ARHGEF16: variants seen among roughly 807,000 people sequenced by gnomAD.
ARHGEF16 encodes the protein Rho guanine exchange factor (GEF) 16.
Under a neutral mutation model 74.1 loss-of-function variants are expected in ARHGEF16, and 59 were observed. The observed-to-expected ratio is 0.80, with a 90% confidence interval of 0.65 to 0.99. The LOEUF (loss-of-function observed/expected upper bound fraction) is 0.99, where lower values mean the gene tolerates loss of function less well. Among genes scored for constraint, ARHGEF16 ranks in the 50% least tolerant of loss-of-function variants. ARHGEF16 has a pLI of 0.00. For synonymous variants in ARHGEF16, 415 were observed against 412.6 expected (o/e 1.01, Z -0.07); for missense variants, 948 against 986.6 (o/e 0.96, Z 0.52).
rs150491102 is a variant in ARHGEF16 at position 3,478,612 on chromosome 1, C to A, written c.1814C>A (p.Ala605Glu). The A allele has an allele frequency of 1.8e-5, 29 of 1,602,410 alleles. No homozygotes were observed. In the Admixed American group the frequency reaches 2.2e-4, roughly 12 times the overall value. The change falls in exon 12 of 15, where the codon GCG becomes GAG. Residue 605 changes from alanine (A) to glutamate (E), a missense_variant and splice_region_variant. Transcript: ENST00000378378. ...QEQLLLSSDSASDRARWIVAL... is the reference protein window; with the variant it reads ...QEQLLLSSDSESDRARWIVAL... Reference sequence around the variant, plus strand: ...CAGCTCCTGCTCTCCTCGGACTCCGCGTAAGTGGGCTCCCGGGAGGGCTGT... The same window carrying A: ...CAGCTCCTGCTCTCCTCGGACTCCGAGTAAGTGGGCTCCCGGGAGGGCTGT...
chr1:3,460,818 CG>C, intron 1 of ARHGEF16, among the ~76,000 whole-genome samples: 3 of 152,234 alleles, frequency 2.0e-5, no homozygotes, highest in Middle Eastern at 6.8e-3. Flanking sequence ...TGTACCCTCC[CG>C]GCCAGCGTGG....
At position 3,471,674 on chromosome 1, in the gene ARHGEF16, T is replaced by A. The variant is rs762947929; in HGVS notation, c.1023-1404T>A. On this transcript the variant is annotated intron_variant, in intron 6 of 14. Transcript: ENST00000378378. ...GGCAGCTGCATGTTTGCCTCTGACC[T>A]CCTCAGGGCTTTAGATTGCTGCCCT... 6.5e-6 allele frequency: 8 copies of A among 1,237,944 alleles called. No individual in the cohort carries two copies. The South Asian group carries it at 1.1e-4, about 17-fold the overall frequency. The allele number at this position is 1,237,944 out of a possible 1,614,324, so 76.7% of individuals were successfully genotyped here.
At chr1:3,479,712 G>A (rs1308688218) in intron 13 of ARHGEF16, 100 bp from the exon 14 acceptor site, 2 of 1,492,450 alleles carry the variant, frequency 1.3e-6, no homozygotes, top group East Asian at 4.6e-5. Flanking sequence ...CGGGGGATGG[G>A]GTGCCCCGGC....
chr1:3,473,403 G>A lies in ARHGEF16; in HGVS notation c.1186G>A (p.Ala396Thr), dbSNP rs1233320630. 5.0e-6 allele frequency: 8 copies of A among 1,607,768 alleles called. No individual in the cohort carries two copies. The highest frequency in any genetic ancestry group is 2.2e-5 in the South Asian group (2 of 90,562). Residue 396 changes from alanine to threonine, a missense_variant, in exon 8 of 15, where the codon GCC becomes ACC. By Grantham distance (58) the Ala-to-Thr change is moderately conservative (BLOSUM62 0). Coordinates refer to ENST00000378378, the MANE Select transcript of ARHGEF16 (RefSeq NM_014448.4). ...RTLQKLISSN[A>T]AFREALREIE... ...CTTGTCCTCTTGCAGAAGCAGCAAC[G>A]CCGCCTTCCGAGAGGCCCTGAGAGA...
In ARHGEF16 at chr1:3,480,993, A is replaced by T. The variant is rs1299991254; in HGVS notation, c.*406A>T. The T allele has an allele frequency of 1.6e-5, 3 of 191,328 alleles. No homozygotes were observed. The highest frequency in any genetic ancestry group is 7.0e-5 in the African/African-American group (3 of 42,766). 11.9% of individuals were successfully genotyped at this position (191,328 alleles called of 1,614,324 possible). On this transcript the variant is annotated 3_prime_UTR_variant, in exon 15 of 15. Transcript: ENST00000378378. ...CCTTCCTACCCCTGAGTGGGACAAG[A>T]AGGGCCCTGAGTGCCCAGGAGTGCC...
rs1396894800 is a variant in ARHGEF16 at position 3,480,661 on chromosome 1, G to A, written c.*74G>A. 35 of 1,542,256 alleles carry A rather than the reference G, an allele frequency of 2.3e-5. No individual in the cohort carries two copies. The highest frequency in any genetic ancestry group is 2.0e-4 in the Middle Eastern group (1 of 5,070). ...GTGGTCGTGCCTGGCTCTAGAGAGC[G>A]TGGGGAGCTGGTCTCAAGGACCCAG... On this transcript the variant is annotated 3_prime_UTR_variant, in exon 15 of 15. Transcript: ENST00000378378.
Position 3,478,628 on chromosome 1 carries a change from G to A in ARHGEF16, c.1814+16G>A. Reference sequence around the variant, plus strand: ...CGGACTCCGCGTAAGTGGGCTCCCGGGAGGGCTGTTCCCAGGCCACAGGCA... The same window carrying A: ...CGGACTCCGCGTAAGTGGGCTCCCGAGAGGGCTGTTCCCAGGCCACAGGCA... On this transcript the variant is annotated intron_variant, in intron 12 of 14. Coordinates refer to ENST00000378378, the MANE Select transcript of ARHGEF16 (RefSeq NM_014448.4). 1 of 1,593,242 alleles carries A rather than the reference G, an allele frequency of 6.3e-7. No homozygotes were observed. Among genetic ancestry groups the A allele is most frequent in the Non-Finnish European group, 8.6e-7 (1 of 1,167,942 alleles).
chr1:3,463,012 C>T (rs975309921), intron 1 of ARHGEF16, 54 bp from the exon 2 acceptor site: 30 of 1,305,984 alleles, frequency 2.3e-5, no homozygotes, highest in African/African-American at 6.0e-5. Context: ...GGTGGACACC[C>T]GCGGGGGCAG....
At chr1:3,478,328 C>A in intron 11 of ARHGEF16, 96 bp from the exon 12 acceptor site, 1 of 1,362,038 alleles carries the variant, frequency 7.3e-7, no homozygotes, top group Non-Finnish European at 1.0e-6. Flanking sequence ...GCCTCCCCAC[C>A]ACTGCAGGGG....
chr1:3,476,947 C>T lies in ARHGEF16; in HGVS notation c.1473+885C>T, dbSNP rs1472181490. Among the ~76,000 whole-genome samples the T allele has an allele frequency of 3.9e-5, 6 of 152,186 alleles. No individual in the cohort carries two copies. In the East Asian group the frequency reaches 7.8e-4, roughly 20 times the overall value. On this transcript the variant is annotated intron_variant, in intron 10 of 14. Transcript: ENST00000378378. ...CTCACGCTTGTCTCCCTGATCCTCT[C>T]GAGTCTGGGGTGTAACGCCTGCCCC...
chr1:3,455,095 G>C (rs1423149338), intron 1 of ARHGEF16, among the ~76,000 whole-genome samples: 16 of 151,282 alleles, frequency 1.1e-4, no homozygotes, highest in Non-Finnish European at 1.6e-4. Flanking sequence ...CTCGCTCGCT[G>C]CCCTCTCTTG....
chr1:3,472,011 C>T (rs1167746951), intron 6 of ARHGEF16, among the ~76,000 whole-genome samples: 1 of 152,226 alleles, frequency 6.6e-6, no homozygotes, highest in Non-Finnish European at 1.5e-5. Context: ...GACACTCTCC[C>T]TGCAGGAAGC....
rs776087317 is a variant in ARHGEF16 at position 3,477,914 on chromosome 1, C to T, written c.1513C>T (p.Arg505Cys). The change falls in exon 11 of 15, where the codon CGC (arginine) becomes TGC (cysteine). Residue 505 changes from arginine (R) to cysteine (C), a missense_variant. Physicochemically the swap from Arg to Cys is radical, Grantham distance 180. Transcript: ENST00000378378. Reference protein sequence around the residue: ...LISASRWLLKRGELFLVEETG... With the variant: ...LISASRWLLKCGELFLVEETG... ...CTCTGCCTCCCGGTGGCTGCTGAAG[C>T]GCGGAGAGCTGTTCTTAGTGGAAGA... 1.2e-5 allele frequency: 19 copies of T among 1,612,544 alleles called. No individual in the cohort carries two copies. The African/African-American group carries it at 1.3e-4, about 11-fold the overall frequency.
chr1:3,480,508 C>A lies in ARHGEF16; in HGVS notation c.2051C>A (p.Ala684Asp). The A allele has an allele frequency of 6.2e-7, 1 of 1,612,496 alleles. No individual in the cohort carries two copies. Among genetic ancestry groups the A allele is most frequent in the Non-Finnish European group, 8.5e-7 (1 of 1,179,972 alleles). The part of the protein sequence containing the change: ...GETGWFPEDF[A>D]RFITSRVAVE... ...ACGGGATGGTTCCCCGAGGACTTTG[C>A]CCGCTTCATCACCAGCCGTGTGGCC... is the stretch of plus-strand genomic sequence containing the variant. The change falls in exon 15 of 15, where the codon GCC (alanine) becomes GAC (aspartate). Residue 684 changes from alanine to aspartate, a missense_variant. Physicochemically the swap from Ala to Asp is moderately radical, Grantham distance 126. Transcript: ENST00000378378.
chr1:3,458,739 T>C (rs1639322625), intron 1 of ARHGEF16, among the ~76,000 whole-genome samples: 1 of 152,162 alleles, frequency 6.6e-6, no homozygotes. Context: ...GGAGGAAGTA[T>C]GTGGCAGGGG....
At chr1:3,478,888 C>T (rs1639974828) in intron 12 of ARHGEF16, among the ~76,000 whole-genome samples, 1 of 152,030 alleles carries the variant, frequency 6.6e-6, no homozygotes, top group Non-Finnish European at 1.5e-5. Flanking sequence ...GCGGGGGGTG[C>T]CGTGAGGAAA....
intron 6 of ARHGEF16, among the ~76,000 whole-genome samples, chr1:3,470,362 GTA>G (rs748896537): frequency 1.3e-4 from 20 of 151,774 alleles, no homozygotes; most frequent in East Asian, 1.9e-4. Flanking sequence ...GCGTGGGCAG[GTA>G]TGTGTGTGTG....
chr1:3,480,869 A>G lies in ARHGEF16; in HGVS notation c.*282A>G. 1 of 503,214 alleles carries G rather than the reference A, an allele frequency of 2.0e-6. No homozygotes were observed. Among genetic ancestry groups the G allele is most frequent in the Non-Finnish European group, 3.5e-6 (1 of 281,982 alleles). The allele number at this position is 503,214 out of a possible 1,614,324, so 31.2% of individuals were successfully genotyped here. A position where few individuals can be genotyped will look rare whatever the true frequency, so the allele number is the denominator to read the frequency against. Reference sequence around the variant, plus strand: ...CTGGGCCCCTCAGCTGCTGGGCCCCACCTCCCCACTGCACCCAGGGGGCAA... The same window carrying G: ...CTGGGCCCCTCAGCTGCTGGGCCCCGCCTCCCCACTGCACCCAGGGGGCAA... On this transcript the variant is annotated 3_prime_UTR_variant, in exon 15 of 15. Transcript: ENST00000378378.
At position 3,479,547 on chromosome 1, in the gene ARHGEF16, C is replaced by T. The variant is rs887648280; in HGVS notation, c.1845C>T (p.Leu615=). The T allele has an allele frequency of 2.5e-6, 4 of 1,612,566 alleles. No homozygotes were observed. Among genetic ancestry groups the T allele is most frequent in the East Asian group, 2.2e-5 (1 of 44,860 alleles). ...ASDRARWIVA[L]THSERQWQGL... Reference sequence around the variant, plus strand: ...ACCGGGCACGGTGGATCGTGGCGCTCACACACAGTGAGAGACAGTGGCAGG... The same window carrying T: ...ACCGGGCACGGTGGATCGTGGCGCTTACACACAGTGAGAGACAGTGGCAGG... Residue 615 remains leucine, a synonymous_variant, in exon 13 of 15, where the codon CTC becomes CTT. Coordinates refer to ENST00000378378, the MANE Select transcript of ARHGEF16 (RefSeq NM_014448.4).
Sources: gnomAD v4.1 joint callset for allele counts (sites outside exome capture counted in the v4.1 genomes callset) on GRCh38, gnomAD v4.1.1 for gene constraint, MANE v1.5 for transcripts, NCBI Gene and HGNC (gene_info 2026-07-23, HGNC 2026-07-21) for gene names.